PCDHA4: variants seen among roughly 807,000 people sequenced by gnomAD.
PCDHA4 encodes protocadherin alpha 4, also known as protocadherin alpha-4.
A neutral mutation model predicts 61.4 loss-of-function variants in PCDHA4; 49 were observed. That is an observed-to-expected ratio of 0.80 (90% CI 0.63 to 1.01). PCDHA4 has a LOEUF of 1.01. Ranked by LOEUF, PCDHA4 falls within the 50% of genes least tolerant of loss-of-function variation. The pLI is 0.00. For missense variants in PCDHA4, 1,254 were observed against 1,235.8 expected (o/e 1.01, Z -0.22); for synonymous variants, 590 against 550.3 (o/e 1.07, Z -1.01).
rs1764409596 is a variant in PCDHA4 at position 140,809,257 on chromosome 5, T to G, written c.2070T>G (p.Asp690Glu). 1 of 1,614,092 alleles carries G rather than the reference T, an allele frequency of 6.2e-7. No individual in the cohort carries two copies. The highest frequency in any genetic ancestry group is 8.5e-7 in the Non-Finnish European group (1 of 1,179,962). Residue 690 changes from aspartate (D) to glutamate (E), a missense_variant, in exon 1 of 4, where the codon GAT (aspartate) becomes GAG (glutamate). Asp to Glu is a conservative substitution (Grantham distance 45). Transcript: ENST00000530339. ...CGTTGGTGGGCGCTGTGGGTCCCGA[T>G]GCTGCGCTGGTGGATGTCAACGTAT... ...SRALVGAVGP[D>E]AALVDVNVYL...
At chr5:140,855,753 G>C (rs1461376517) in intron 1 of PCDHA4, 1 of 333,040 alleles carries the variant, frequency 3.0e-6, no homozygotes, top group African/African-American at 2.1e-5. Flanking sequence ...GTGAGGCTTT[G>C]AAAGTCCATA....
intron 1 of PCDHA4, chr5:140,831,134 T>C (rs1466835760): frequency 1.3e-5 from 2 of 152,216 alleles, no homozygotes; most frequent in Non-Finnish European, 2.9e-5. Context: ...TTATGGTTAT[T>C]GATTTATTTA....
intron 1 of PCDHA4, chr5:140,875,556 C>G (rs781896642): frequency 6.2e-7 from 1 of 1,614,128 alleles, no homozygotes; most frequent in East Asian, 2.2e-5. Flanking sequence ...AGGTGGGGAG[C>G]GGCCAGCTCC....
At chr5:140,865,143 T>C (rs142181937) in intron 1 of PCDHA4, 3 of 152,352 alleles carry the variant, frequency 2.0e-5, no homozygotes, top group Admixed American at 1.3e-4. Context: ...GAATTTAACA[T>C]TGTATACTTT....
intron 1 of PCDHA4, among the ~76,000 whole-genome samples, chr5:140,956,672 G>A (rs571890845): frequency 1.3e-5 from 2 of 152,242 alleles, no homozygotes; most frequent in Admixed American, 1.3e-4. Context: ...AAAGGAGTTA[G>A]GGAGGAGTAC....
chr5:140,929,046 C>T, intron 1 of PCDHA4: 3 of 1,614,206 alleles, frequency 1.9e-6, no homozygotes, highest in Non-Finnish European at 2.5e-6. Context: ...CTCAGAGCTG[C>T]TGTCGCTCTA....
intron 1 of PCDHA4, among the ~76,000 whole-genome samples, chr5:140,831,853 C>T (rs143262235): frequency 6.6e-6 from 1 of 152,240 alleles, no homozygotes; most frequent in East Asian, 1.9e-4. Context: ...TGTCATAAAG[C>T]TTTAGTAAGT....
At chr5:140,911,677 C>T (rs904570548) in intron 1 of PCDHA4, among the ~76,000 whole-genome samples, 4 of 152,118 alleles carry the variant, frequency 2.6e-5, no homozygotes, top group African/African-American at 7.2e-5. Flanking sequence ...TCTCACGAAC[C>T]GTGCATCAGG....
At chr5:140,861,738 T>C (rs1554155173) in intron 1 of PCDHA4, 1 of 160,806 alleles carries the variant, frequency 6.2e-6, no homozygotes, top group African/African-American at 2.5e-5. Context: ...ACTTACATAC[T>C]GTGCCGCAAT....
chr5:140,843,572 T>C, intron 1 of PCDHA4: 2 of 1,595,854 alleles, frequency 1.3e-6, no homozygotes, highest in Non-Finnish European at 1.7e-6. Context: ...CTGGTCATAC[T>C]CGCAACAACA....
At position 140,808,849 on chromosome 5, in the gene PCDHA4, C is replaced by T. The variant is rs1466970963; in HGVS notation, c.1662C>T (p.Phe554=). The T allele has an allele frequency of 3.1e-6, 5 of 1,613,084 alleles. No homozygotes were observed. The highest frequency in any genetic ancestry group is 4.2e-6 in the Non-Finnish European group (5 of 1,179,896). Residue 554 remains phenylalanine, a synonymous_variant, in exon 1 of 4, where the codon TTC becomes TTT. Coordinates refer to ENST00000530339, the MANE Select transcript of PCDHA4 (RefSeq NM_018907.4). ...GCAGCAACGTGACGCTGCAGGTGTT[C>T]GTGCTGGACGAAAACGACAACGCGC... The part of the protein sequence containing the change: ...PLGSNVTLQV[F]VLDENDNAPA...
intron 3 of PCDHA4, among the ~76,000 whole-genome samples, chr5:140,998,180 A>C (rs2097799784): frequency 6.6e-6 from 1 of 152,122 alleles, no homozygotes; most frequent in East Asian, 1.9e-4. Context: ...TATTCTAAGC[A>C]CTTTACAAGT....
intron 1 of PCDHA4, among the ~76,000 whole-genome samples, chr5:140,938,299 A>T (rs995168721): frequency 1.3e-5 from 2 of 152,192 alleles, no homozygotes; most frequent in Admixed American, 6.5e-5. Flanking sequence ...TTGCCTATGA[A>T]ATTCAGTATA....
intron 1 of PCDHA4, chr5:140,835,452 C>T (rs2150236054): frequency 6.2e-7 from 1 of 1,613,908 alleles, no homozygotes; most frequent in East Asian, 2.2e-5. Flanking sequence ...TTCCCTGTCT[C>T]TCCCTATTCC....
rs2150427952 is a variant in PCDHA4 at position 140,848,985 on chromosome 5, G to A, written c.2385+39413G>A. On this transcript the variant is annotated intron_variant, in intron 1 of 3. Transcript: ENST00000530339. ...GGGCGCGTCCGATGCAGATATCGGG[G>A]AGAACGCCCTGCTCACTTACAGACT... is the stretch of plus-strand genomic sequence containing the variant. 9 of 1,598,558 alleles carry A rather than the reference G, an allele frequency of 5.6e-6. 1 individual carries two copies. The highest frequency in any genetic ancestry group is 6.0e-6 in the Non-Finnish European group (7 of 1,170,226).
At chr5:140,985,047 C>T (rs1417890181) in intron 3 of PCDHA4, among the ~76,000 whole-genome samples, 5 of 152,076 alleles carry the variant, frequency 3.3e-5, no homozygotes, top group African/African-American at 9.7e-5. Context: ...AAGTGATTCT[C>T]CTGCCTCAGC....
intron 1 of PCDHA4, chr5:140,864,741 C>T (rs1031120106): frequency 1.1e-4 from 17 of 151,978 alleles, no homozygotes; most frequent in Admixed American, 3.3e-4. Flanking sequence ...CTTTGAGCAC[C>T]GATTATACTC....
rs17844283 is a variant in PCDHA4, at chr5:140,808,999, C to G, written c.1812C>G (p.Asn604Lys). 6.2e-7 allele frequency: 1 copy of G among 1,613,590 alleles called. No individual in the cohort carries two copies. The highest frequency in any genetic ancestry group is 1.3e-5 in the African/African-American group (1 of 74,922). Residue 604 changes from asparagine to lysine, a missense_variant, in exon 1 of 4, where the codon AAC becomes AAG. Physicochemically the swap from Asn to Lys is moderately conservative, Grantham distance 94. Transcript: ENST00000530339. ...CGGTGGATGCTGACTCGGGCTACAA[C>G]GCGTGGCTTTCGTACGAGCTGCAGC... ...VRAVDADSGY[N>K]AWLSYELQPG...
intron 1 of PCDHA4, chr5:140,858,217 G>A: frequency 1.3e-6 from 2 of 1,595,954 alleles, no homozygotes; most frequent in Non-Finnish European, 1.7e-6. Flanking sequence ...GGTGCTCGGC[G>A]GCGCCCACCG....
Sources: allele counts gnomAD v4.1 joint callset (sites outside exome capture counted in the v4.1 genomes callset), GRCh38; gene constraint gnomAD v4.1.1; transcripts MANE v1.5; gene names NCBI Gene and HGNC (gene_info 2026-07-23, HGNC 2026-07-21).